The following ARB2A variants were observed in gnomAD, a reference collection of about 807,000 sequenced individuals.
ARB2A encodes cotranscriptional regulator ARB2A.
chr5:94,068,961 G>A, the ARB2A span, among the ~76,000 whole-genome samples: 1 of 151,710 alleles, frequency 6.6e-6, no homozygotes, highest in African/African-American at 2.4e-5. Flanking sequence ...CTTGAACCCA[G>A]GAGGCAGAGG....
the ARB2A span, among the ~76,000 whole-genome samples, chr5:93,789,352 C>T: frequency 2.6e-5 from 4 of 151,928 alleles, no homozygotes; most frequent in Non-Finnish European, 4.4e-5. Context: ...ATCATCACTC[C>T]GGTTAATAGC....
the ARB2A span, among the ~76,000 whole-genome samples, chr5:93,781,467 T>C: frequency 1.3e-5 from 2 of 152,230 alleles, no homozygotes; most frequent in East Asian, 3.8e-4. Flanking sequence ...TCCAAGACTT[T>C]GCTATCATGA....
the ARB2A span, among the ~76,000 whole-genome samples, chr5:93,915,831 T>C: frequency 6.6e-6 from 1 of 152,012 alleles, no homozygotes; most frequent in Non-Finnish European, 1.5e-5. Flanking sequence ...TCATGTTGGG[T>C]AGCAAGATCA....
the ARB2A span, among the ~76,000 whole-genome samples, chr5:93,826,486 G>A: frequency 2.9e-4 from 44 of 152,286 alleles, no homozygotes; most frequent in Admixed American, 9.2e-4. Context: ...CCACAGACAT[G>A]TCAAACTCAA....
At chr5:93,758,500 A>C in the ARB2A span, among the ~76,000 whole-genome samples, 1 of 152,196 alleles carries the variant, frequency 6.6e-6, no homozygotes. Context: ...GATAGGCCAT[A>C]AAACGAGCCT....
the ARB2A span, among the ~76,000 whole-genome samples, chr5:94,092,808 TC>T: frequency 6.6e-6 from 1 of 152,140 alleles, no homozygotes. Flanking sequence ...TATTAGATGC[TC>T]CTTTGCTTTT....
At chr5:94,026,700 A>G in the ARB2A span, among the ~76,000 whole-genome samples, 3 of 152,212 alleles carry the variant, frequency 2.0e-5, no homozygotes, top group Non-Finnish European at 4.4e-5. Flanking sequence ...CAAGTTCTCA[A>G]TCTGGTCCCT....
chr5:93,833,601 T>C, the ARB2A span, among the ~76,000 whole-genome samples: 1 of 152,168 alleles, frequency 6.6e-6, no homozygotes, highest in Non-Finnish European at 1.5e-5. Flanking sequence ...ATAAATCAAA[T>C]AAAACACTAA....
the ARB2A span, chr5:93,740,728 C>T: frequency 6.2e-7 from 1 of 1,612,868 alleles, no homozygotes; most frequent in South Asian, 1.1e-5. Context: ...CCCGGCTGTC[C>T]CCACAATCTC....
chr5:94,006,452 G>A, the ARB2A span, among the ~76,000 whole-genome samples: 18 of 152,136 alleles, frequency 1.2e-4, no homozygotes, highest in South Asian at 2.1e-4. Flanking sequence ...GATGTTCTAC[G>A]TCTTGATTAT....
At chr5:93,916,771 ACT>A in the ARB2A span, among the ~76,000 whole-genome samples, 1 of 152,042 alleles carries the variant, frequency 6.6e-6, no homozygotes, top group African/African-American at 2.4e-5. Flanking sequence ...CTTTGTATGA[ACT>A]CTCTACTCTG....
chr5:93,763,212 C>T, the ARB2A span, among the ~76,000 whole-genome samples: 3 of 151,306 alleles, frequency 2.0e-5, no homozygotes, highest in African/African-American at 4.9e-5. Flanking sequence ...ACCTTAAATG[C>T]AAATGGGCTA....
the ARB2A span, among the ~76,000 whole-genome samples, chr5:93,909,983 TA>T: frequency 1.3e-5 from 2 of 150,868 alleles, no homozygotes; most frequent in East Asian, 1.9e-4. Context: ...ATAGGAATTA[TA>T]AAAAAATCTA....
chr5:93,732,882 TAA>T, the ARB2A span, among the ~76,000 whole-genome samples: 6 of 149,542 alleles, frequency 4.0e-5, no homozygotes, highest in African/African-American at 1.2e-4. Flanking sequence ...GCAAAAATTC[TAA>T]AAAAAAAATC....
At chr5:93,949,582 GTAA>G in the ARB2A span, among the ~76,000 whole-genome samples, 8 of 151,654 alleles carry the variant, frequency 5.3e-5, no homozygotes, top group East Asian at 1.6e-3. Context: ...AATAATAATA[GTAA>G]TAATAATTAC....
the ARB2A span, chr5:93,776,394 C>A: frequency 1.8e-6 from 1 of 543,384 alleles, no homozygotes; most frequent in East Asian, 3.2e-5. Context: ...TGTAAACAGT[C>A]GGTAATTATT....
chr5:94,090,618 T>C, the ARB2A span, among the ~76,000 whole-genome samples: 1 of 152,224 alleles, frequency 6.6e-6, no homozygotes, highest in Non-Finnish European at 1.5e-5. Flanking sequence ...TCAAAGGGAA[T>C]GTTTCCAGCT....
At chr5:94,047,569 T>C in the ARB2A span, among the ~76,000 whole-genome samples, 2 of 152,076 alleles carry the variant, frequency 1.3e-5, no homozygotes, top group African/African-American at 4.8e-5. Context: ...AACACAAATG[T>C]GAAAGCAGGC....
the ARB2A span, among the ~76,000 whole-genome samples, chr5:93,901,890 G>A: frequency 2.6e-5 from 4 of 152,030 alleles, no homozygotes; most frequent in African/African-American, 7.2e-5. Context: ...TATGAAAGAT[G>A]ACAGTTCCTG....
Sources: allele counts gnomAD v4.1 joint callset (sites outside exome capture counted in the v4.1 genomes callset), GRCh38; gene constraint gnomAD v4.1.1; transcripts MANE v1.5; gene names NCBI Gene and HGNC (gene_info 2026-07-23, HGNC 2026-07-21).